Variants in USP37 observed in about 807,000 individuals in gnomAD.
USP37 encodes the protein ubiquitin specific peptidase 37, also known as ubiquitin carboxyl-terminal hydrolase 37.
In USP37, 27 loss-of-function variants were observed where a neutral mutation model predicts 124.0. That is an observed-to-expected ratio of 0.22 (90% CI 0.16 to 0.30). The LOEUF is 0.30. USP37 is among the 10% of genes least tolerant of loss of function. The probability of loss-of-function intolerance (pLI) is 1.00; values close to 1 mark genes in which losing one functional copy is unlikely to be tolerated. For missense variants in USP37, 889 were observed against 1,140.4 expected (o/e 0.78, Z 3.17); for synonymous variants, 365 against 388.0 (o/e 0.94, Z 0.70).
At chr2:218,483,949 A>G (rs1361896591) in intron 16 of USP37, among the ~76,000 whole-genome samples, 1 of 152,218 alleles carries the variant, frequency 6.6e-6, no homozygotes, top group African/African-American at 2.4e-5. Flanking sequence ...ACCTGAGGTC[A>G]GGAGTTTGAG....
intron 11 of USP37, among the ~76,000 whole-genome samples, chr2:218,503,027 A>C (rs1414169507): frequency 1.3e-5 from 2 of 152,212 alleles, no homozygotes; most frequent in Non-Finnish European, 2.9e-5. Context: ...ACACATTATC[A>C]CGTTAGAGTT....
chr2:218,525,237 T>G (rs1367906234), intron 10 of USP37, among the ~76,000 whole-genome samples: 1 of 152,194 alleles, frequency 6.6e-6, no homozygotes, highest in Admixed American at 6.5e-5. Context: ...TCCCAGCACT[T>G]TGGGAGGCTG....
intron 13 of USP37, among the ~76,000 whole-genome samples, chr2:218,496,474 T>C (rs1346322832): frequency 6.6e-6 from 1 of 152,180 alleles, no homozygotes; most frequent in Non-Finnish European, 1.5e-5. Context: ...AAATGACAGA[T>C]TATATATTCT....
chr2:218,463,472 C>CTATAACCT, intron 21 of USP37, 106 bp from the exon 22 acceptor site: 1 of 821,592 alleles, frequency 1.2e-6, no homozygotes, highest in Non-Finnish European at 1.9e-6. Flanking sequence ...AGAATGCTTT[C>CTATAACCT]TATAACCTTA....
exon 1 of USP37, chr2:218,568,342 ACACGCAAACACG>A (rs1022884913): frequency 6.5e-6 from 1 of 152,860 alleles, no homozygotes; most frequent in Non-Finnish European, 1.5e-5. Context: ...AACTGTGACC[ACACGCAAACACG>A]CACGCACGCA....
Position 218,558,507 on chromosome 2 carries a change from C to T in USP37, c.147G>A (p.Arg49=), listed in dbSNP as rs1005073642. The T allele has an allele frequency of 6.2e-7, 1 of 1,608,570 alleles. No individual in the cohort carries two copies. Among genetic ancestry groups the T allele is most frequent in the Non-Finnish European group, 8.5e-7 (1 of 1,178,004 alleles). The change falls in exon 4 of 26, where the codon AGG becomes AGA. Residue 49 remains arginine (R), a synonymous_variant. Transcript: ENST00000258399. ...CAATATTTGGTATTACCTGAAATAT[C>T]CTTGGAATTCCTCCAGTATTGTAGT... ...VVHYNTGGIP[R]IFQLSHNIKN...
chr2:218,516,721 A>T (rs1038351872), intron 10 of USP37, among the ~76,000 whole-genome samples: 3 of 152,250 alleles, frequency 2.0e-5, no homozygotes, highest in South Asian at 2.1e-4. Flanking sequence ...TAAAATAAAA[A>T]AATCAGGGTC....
intron 25 of USP37, among the ~76,000 whole-genome samples, chr2:218,455,316 A>G (rs949461898): frequency 1.3e-5 from 2 of 152,208 alleles, no homozygotes; most frequent in Non-Finnish European, 2.9e-5. Context: ...TTATGACAGG[A>G]CATCTTCTAT....
intron 21 of USP37, among the ~76,000 whole-genome samples, chr2:218,464,846 G>C (rs1281271819): frequency 6.6e-6 from 1 of 152,214 alleles, no homozygotes; most frequent in African/African-American, 2.4e-5. Flanking sequence ...ACTTTGGGAG[G>C]TTGTGGTGGG....
rs139836133 is a variant in USP37, at chr2:218,521,978, G to A, written c.863+7978C>T. Among the ~76,000 whole-genome samples the A allele has an allele frequency of 7.4e-3, 1,119 of 151,734 alleles. 24 individuals are homozygous for A. The highest frequency in any genetic ancestry group is 0.054 in the Admixed American group (827 of 15,246). On this transcript the variant is annotated intron_variant, in intron 10 of 25. Transcript: ENST00000258399. Reference sequence around the variant, plus strand: ...CAGCCTCGACCTCCTGGGCTCAAGCGATTCTCCTACCTTAGCCTCTTGAGT... The same window carrying A: ...CAGCCTCGACCTCCTGGGCTCAAGCAATTCTCCTACCTTAGCCTCTTGAGT...
chr2:218,489,715 T>A (rs1026580585), intron 14 of USP37, among the ~76,000 whole-genome samples: 6 of 151,976 alleles, frequency 3.9e-5, no homozygotes, highest in Non-Finnish European at 8.8e-5. Context: ...CCTGACCTCG[T>A]GATCCACCTG....
chr2:218,467,946 G>A (rs936091104), intron 20 of USP37, among the ~76,000 whole-genome samples: 41 of 150,434 alleles, frequency 2.7e-4, no homozygotes, highest in South Asian at 6.3e-4. Flanking sequence ...GGAGTGCAGC[G>A]GCACAATATC....
intron 8 of USP37, among the ~76,000 whole-genome samples, chr2:218,545,870 A>T (rs1404838385): frequency 6.6e-6 from 1 of 151,564 alleles, no homozygotes; most frequent in Non-Finnish European, 1.5e-5. Flanking sequence ...AAAAAGTAAA[A>T]ATTTTTTTTT....
chr2:218,475,786 T>G (rs1184792432), intron 19 of USP37, among the ~76,000 whole-genome samples: 2 of 151,644 alleles, frequency 1.3e-5, no homozygotes, highest in Non-Finnish European at 2.9e-5. Context: ...ATTAGGGAGA[T>G]GTTGTGGTGT....
intron 5 of USP37, among the ~76,000 whole-genome samples, chr2:218,552,027 C>T (rs1395545422): frequency 6.6e-6 from 1 of 152,052 alleles, no homozygotes; most frequent in Admixed American, 6.6e-5. Flanking sequence ...CTCTTGACCT[C>T]GTGATCCGCC....
At position 218,455,680 on chromosome 2, in the gene USP37, C is replaced by A. The variant is rs1378393031; in HGVS notation, c.2752G>T (p.Ala918Ser). 6.2e-7 allele frequency: 1 copy of A among 1,614,062 alleles called. No homozygotes were observed. Among genetic ancestry groups the A allele is most frequent in the Non-Finnish European group, 8.5e-7 (1 of 1,180,042 alleles). ...ISDVYDIKKQAWFTYNDLEVS... is the reference protein window; with the variant it reads ...ISDVYDIKKQSWFTYNDLEVS... ...TCCAGGTCATTGTAAGTAAACCACG[C>A]TTGCTTCTTAATGTCATATACATCA... Residue 918 changes from alanine (A) to serine (S), a missense_variant, in exon 25 of 26, where the codon GCG (alanine) becomes TCG (serine). By Grantham distance (99) the Ala-to-Ser change is moderately conservative (BLOSUM62 1). This residue lies in a region of USP37 where 504 missense variants were observed against 714.3 expected (regional missense o/e 0.71). Coordinates refer to ENST00000258399, the MANE Select transcript of USP37 (RefSeq NM_020935.3).
In USP37 at chr2:218,547,098, A is replaced by AAAT; in HGVS notation, c.430-10_430-8dup. ...TTCCTCTTTTTGCAGAAGCCTGTAA[A>AAAT]AATAAAGTTTGAGATAGTTAAATCT... On this transcript the variant is annotated splice_polypyrimidine_tract_variant and splice_region_variant and intron_variant, in intron 6 of 25. Transcript: ENST00000258399. 1 of 1,587,438 alleles carries AAAT rather than the reference A, an allele frequency of 6.3e-7. No individual in the cohort carries two copies. Among genetic ancestry groups the AAAT allele is most frequent in the Non-Finnish European group, 8.5e-7 (1 of 1,173,048 alleles).
chr2:218,520,803 A>T (rs13022976), intron 10 of USP37, among the ~76,000 whole-genome samples: 8,640 of 152,286 alleles, frequency 0.057, 363 homozygotes, highest in East Asian at 0.12. Flanking sequence ...TTTACTTGAC[A>T]TGACATCAAC....
In USP37 at chr2:218,523,259, G is replaced by A. The variant is rs145374738; in HGVS notation, c.863+6697C>T. ...GCCTGTGGGGCAAGAGCGAGACTTC[G>A]TCTCAAAAAAAAAAAAAGAATTTCA... On this transcript the variant is annotated intron_variant, in intron 10 of 25. Transcript: ENST00000258399. 7.9e-4 allele frequency among the ~76,000 whole-genome samples: 119 copies of A among 150,060 alleles called. 1 individual carries two copies. The highest frequency in any genetic ancestry group is 2.6e-3 in the African/African-American group (107 of 40,736).
Sources: allele counts gnomAD v4.1 joint callset (sites outside exome capture counted in the v4.1 genomes callset), GRCh38; gene constraint gnomAD v4.1.1; regional missense constraint gnomAD v4.1.1; transcripts MANE v1.5; gene names NCBI Gene and HGNC (gene_info 2026-07-23, HGNC 2026-07-21).